ANKS1B: variants seen among roughly 807,000 people sequenced by gnomAD.
ANKS1B encodes the protein ankyrin repeat and sterile alpha motif domain-containing protein 1B.
Under a neutral mutation model 148.3 loss-of-function variants are expected in ANKS1B, and 36 were observed. The ratio of observed to expected loss-of-function variants is 0.24; its 90% CI spans 0.19 to 0.32. ANKS1B has a LOEUF of 0.32. ANKS1B is among the 10% of genes least tolerant of loss of function. The pLI is 1.00. For synonymous variants in ANKS1B, 542 were observed against 560.8 expected, an observed-to-expected ratio of 0.97 and a Z score of 0.47; for missense variants, 1,157 against 1,542.6, an observed-to-expected ratio of 0.75 and a Z score of 4.19.
intron 9 of ANKS1B, among the ~76,000 whole-genome samples, chr12:99,532,562 G>A (rs10860458): frequency 6.6e-6 from 1 of 151,920 alleles, no homozygotes; most frequent in African/African-American, 2.4e-5. Flanking sequence ...GGGTTTCATC[G>A]TGTTAGCCAG....
Position 99,120,788 on chromosome 12 carries a change from T to TG in ANKS1B, c.2526+33500dup, listed in dbSNP as rs1047576048. Among the ~76,000 whole-genome samples, 5 of 152,070 alleles carry TG rather than the reference T, an allele frequency of 3.3e-5. No individual in the cohort carries two copies. The South Asian group carries it at 6.2e-4, about 19-fold the overall frequency. On this transcript the variant is annotated intron_variant, in intron 15 of 26. Coordinates refer to ENST00000683438, the MANE Select transcript of ANKS1B (RefSeq NM_001352186.2). ...GGAAGAGCAGTGGATTTGAGGTCCCTGGGGGGCATCCACGTGGAAAAACAG... is the reference window on the plus strand; with the variant it reads ...GGAAGAGCAGTGGATTTGAGGTCCCTGGGGGGGCATCCACGTGGAAAAACAG...
chr12:99,429,881 G>A lies in ANKS1B; in HGVS notation c.1575+13792C>T, dbSNP rs944846318. On this transcript the variant is annotated intron_variant, in intron 11 of 26. Transcript: ENST00000683438. Reference sequence around the variant, plus strand: ...CGGGCAGCTGAGGCAGGAGAATGACGTGAACCCGGGAGGCGAAGCTTGCAG... The same window carrying A: ...CGGGCAGCTGAGGCAGGAGAATGACATGAACCCGGGAGGCGAAGCTTGCAG... Among the ~76,000 whole-genome samples, 17 of 152,014 alleles carry A rather than the reference G, an allele frequency of 1.1e-4. 1 individual carries two copies. The highest frequency in any genetic ancestry group is 1.9e-4 in the East Asian group (1 of 5,150).
chr12:98,921,555 A>G (rs2099801476), intron 17 of ANKS1B, among the ~76,000 whole-genome samples: 2 of 152,282 alleles, frequency 1.3e-5, no homozygotes, highest in East Asian at 1.9e-4. Flanking sequence ...TAAGGTTTTA[A>G]AGAAAATATG....
At chr12:98,784,066 A>G (rs1358883183) in intron 22 of ANKS1B, among the ~76,000 whole-genome samples, 2 of 152,248 alleles carry the variant, frequency 1.3e-5, no homozygotes, top group Non-Finnish European at 2.9e-5. Flanking sequence ...GGAGGATTCC[A>G]CAGATGAAGA....
chr12:99,752,628 G>C (rs1050801125), intron 8 of ANKS1B, among the ~76,000 whole-genome samples: 3 of 151,718 alleles, frequency 2.0e-5, no homozygotes, highest in Admixed American at 6.6e-5. Context: ...ATATTTTTAT[G>C]TTTTGTAGGA....
chr12:99,415,328 T>A (rs2094862425), intron 11 of ANKS1B, among the ~76,000 whole-genome samples: 1 of 152,220 alleles, frequency 6.6e-6, no homozygotes, highest in Admixed American at 6.5e-5. Flanking sequence ...AAGTTCTTTT[T>A]TTAAAGCAAC....
intron 9 of ANKS1B, among the ~76,000 whole-genome samples, chr12:99,601,844 T>C (rs574060655): frequency 1.3e-5 from 2 of 152,020 alleles, no homozygotes; most frequent in Non-Finnish European, 2.9e-5. Context: ...CCTGTTCTTA[T>C]TCTTCTTGAA....
chr12:99,252,335 A>C (rs1243300428), intron 12 of ANKS1B, among the ~76,000 whole-genome samples: 2 of 152,216 alleles, frequency 1.3e-5, no homozygotes, highest in Non-Finnish European at 2.9e-5. Context: ...TATGACTTAT[A>C]CTTTTAGAAG....
At chr12:98,871,871 T>C (rs778889792) in intron 17 of ANKS1B, among the ~76,000 whole-genome samples, 2 of 152,166 alleles carry the variant, frequency 1.3e-5, no homozygotes, top group Non-Finnish European at 2.9e-5. Flanking sequence ...AATGCAGTAC[T>C]GAAAAAGCTT....
intron 4 of ANKS1B, among the ~76,000 whole-genome samples, chr12:99,784,043 A>G (rs1266446754): frequency 6.6e-6 from 1 of 152,124 alleles, no homozygotes; most frequent in Non-Finnish European, 1.5e-5. Context: ...AAAGCCAAAA[A>G]AAATTTAATG....
chr12:99,371,941 A>G (rs959230737), intron 12 of ANKS1B, among the ~76,000 whole-genome samples: 1 of 152,152 alleles, frequency 6.6e-6, no homozygotes, highest in Non-Finnish European at 1.5e-5. Flanking sequence ...AAATGACCCA[A>G]ACTAACACTA....
chr12:99,534,499 C>G (rs2097041154), intron 9 of ANKS1B, among the ~76,000 whole-genome samples: 1 of 152,096 alleles, frequency 6.6e-6, no homozygotes, highest in South Asian at 2.1e-4. Context: ...AACACCTGAA[C>G]CCAGGACTCA....
At chr12:98,849,648 T>G (rs968030897) in intron 17 of ANKS1B, among the ~76,000 whole-genome samples, 3 of 152,214 alleles carry the variant, frequency 2.0e-5, no homozygotes, top group Admixed American at 6.5e-5. Context: ...AGGAACTTAA[T>G]AAAATATAAG....
intron 15 of ANKS1B, chr12:99,104,862 G>A (rs4762559): frequency 0.57 from 87,194 of 152,028 alleles, 25,798 homozygotes; most frequent in East Asian, 0.83. Context: ...TTTGCTAAGT[G>A]GTCCACAGAA....
intron 17 of ANKS1B, among the ~76,000 whole-genome samples, chr12:98,971,233 G>C (rs2099882834): frequency 6.6e-6 from 1 of 152,144 alleles, no homozygotes; most frequent in South Asian, 2.1e-4. Context: ...AATTTTTCTG[G>C]CTCTAAAGCC....
At chr12:99,808,496 T>C (rs1205226775) in intron 3 of ANKS1B, among the ~76,000 whole-genome samples, 3 of 152,234 alleles carry the variant, frequency 2.0e-5, no homozygotes, top group Admixed American at 6.5e-5. Context: ...AGATGGGGAA[T>C]CCAGCTGAGG....
chr12:99,532,986 T>C (rs561642353), intron 9 of ANKS1B, among the ~76,000 whole-genome samples: 57 of 152,322 alleles, frequency 3.7e-4, no homozygotes, highest in African/African-American at 1.3e-3. Context: ...TCTTTTTCCT[T>C]AGGACTGCTT....
Position 98,745,678 on chromosome 12 carries a change from A to T in ANKS1B, c.*61T>A. On this transcript the variant is annotated 3_prime_UTR_variant, in exon 27 of 27. Transcript: ENST00000683438. The stretch of plus-strand genomic sequence containing the variant: ...CTGGGTGGACGCGGAGGCGCGAAGG[A>T]AAGCCTGCTCCGGGACCGCTTGGCG... 6.3e-7 allele frequency: 1 copy of T among 1,594,538 alleles called. No individual in the cohort carries two copies. Among genetic ancestry groups the T allele is most frequent in the East Asian group, 2.3e-5 (1 of 43,998 alleles).
chr12:99,369,717 G>A (rs544299797), intron 12 of ANKS1B, among the ~76,000 whole-genome samples: 1 of 151,998 alleles, frequency 6.6e-6, no homozygotes, highest in South Asian at 2.1e-4. Context: ...TAGAAAGATA[G>A]ATAAATAGAC....
Sources: allele counts gnomAD v4.1 joint callset (sites outside exome capture counted in the v4.1 genomes callset), GRCh38; gene constraint gnomAD v4.1.1; transcripts MANE v1.5; gene names NCBI Gene and HGNC (gene_info 2026-07-23, HGNC 2026-07-21).